Variants in TMEM132C observed in about 807,000 individuals in gnomAD.
The protein encoded by TMEM132C is protein phosphatase 1, regulatory subunit 152.
A neutral mutation model predicts 61.4 loss-of-function variants in TMEM132C; 29 were observed. The ratio of observed to expected loss-of-function variants is 0.47; its 90% CI spans 0.35 to 0.64. TMEM132C has a LOEUF of 0.64. TMEM132C is among the 30% of genes least tolerant of loss of function. The probability of loss-of-function intolerance (pLI) is 0.00; values close to 1 mark genes in which losing one functional copy is unlikely to be tolerated. For synonymous variants in TMEM132C, 656 were observed against 633.1 expected, an observed-to-expected ratio of 1.04 and a Z score of -0.54; for missense variants, 1,408 against 1,476.9, an observed-to-expected ratio of 0.95 and a Z score of 0.76.
chr12:128,592,681 C>T (rs913179718), intron 3 of TMEM132C, among the ~76,000 whole-genome samples: 2 of 152,200 alleles, frequency 1.3e-5, no homozygotes, highest in African/African-American at 2.4e-5. Context: ...AGAACAGCCA[C>T]GGAGGGGACA....
intron 1 of TMEM132C, among the ~76,000 whole-genome samples, chr12:128,281,804 G>A (rs1870906398): frequency 6.6e-6 from 1 of 152,184 alleles, no homozygotes; most frequent in Non-Finnish European, 1.5e-5. Context: ...GGTGGCCTCT[G>A]TTCAAGATTC....
chr12:128,381,689 G>C (rs538228192), intron 1 of TMEM132C, among the ~76,000 whole-genome samples: 22 of 152,298 alleles, frequency 1.4e-4, no homozygotes, highest in Admixed American at 3.9e-4. Flanking sequence ...AGAGGGAGCT[G>C]TCCCAGCTGG....
At chr12:128,682,217 G>A (rs1954641206) in intron 5 of TMEM132C, among the ~76,000 whole-genome samples, 1 of 152,214 alleles carries the variant, frequency 6.6e-6, no homozygotes, top group South Asian at 2.1e-4. Context: ...TGGGGCAAGG[G>A]AAGACCCCCA....
chr12:128,625,011 C>T (rs956608411), intron 4 of TMEM132C, among the ~76,000 whole-genome samples: 3 of 152,094 alleles, frequency 2.0e-5, no homozygotes, highest in Admixed American at 2.0e-4. Flanking sequence ...GGGGGGTGAC[C>T]CTATGCTTGT....
At chr12:128,441,052 AC>A (rs1869766390) in intron 2 of TMEM132C, among the ~76,000 whole-genome samples, 1 of 152,348 alleles carries the variant, frequency 6.6e-6, no homozygotes, top group East Asian at 1.9e-4. Flanking sequence ...AAAACAAAAA[AC>A]AAACAAGCAA....
At chr12:128,565,506 T>C (rs950616098) in intron 3 of TMEM132C, among the ~76,000 whole-genome samples, 3 of 152,216 alleles carry the variant, frequency 2.0e-5, no homozygotes, top group Non-Finnish European at 2.9e-5. Context: ...TATTAAAAAA[T>C]AGTCAATAGG....
In TMEM132C at chr12:128,706,163, C is replaced by T. The variant is rs376260103; in HGVS notation, c.3195C>T (p.Asp1065=). 1.7e-5 allele frequency: 27 copies of T among 1,551,512 alleles called. No homozygotes were observed. Among genetic ancestry groups the T allele is most frequent in the Middle Eastern group, 3.3e-4 (2 of 6,014 alleles). ...CCACCTTTACCACCATCCCCCCGGA[C>T]GACAGCTGCCCCACGGTGAACTCCA... ...KFTTFTTIPP[D]DSCPTVNSIV... Residue 1065 remains aspartate (D), a synonymous_variant, in exon 9 of 9, where the codon GAC becomes GAT. Coordinates refer to ENST00000435159, the MANE Select transcript of TMEM132C (RefSeq NM_001136103.3).
intron 1 of TMEM132C, among the ~76,000 whole-genome samples, chr12:128,304,226 C>T (rs994824372): frequency 1.4e-4 from 10 of 72,314 alleles, no homozygotes; most frequent in South Asian, 5.0e-4. Flanking sequence ...TTTTCTTTAC[C>T]TGAGAATCGA....
chr12:128,625,472 T>A (rs114107824), intron 4 of TMEM132C, among the ~76,000 whole-genome samples: 121 of 151,878 alleles, frequency 8.0e-4, no homozygotes, highest in African/African-American at 2.8e-3. Flanking sequence ...GAAAAAGAGG[T>A]TTAATGGACT....
At chr12:128,634,678 G>T (rs553053792) in intron 4 of TMEM132C, among the ~76,000 whole-genome samples, 2 of 152,214 alleles carry the variant, frequency 1.3e-5, no homozygotes. Flanking sequence ...AGCCTTGTGC[G>T]ATCTCATCTA....
intron 4 of TMEM132C, among the ~76,000 whole-genome samples, chr12:128,623,378 G>A (rs375236518): frequency 6.6e-6 from 1 of 151,008 alleles, no homozygotes; most frequent in African/African-American, 2.4e-5. Context: ...AAACCTGCAC[G>A]TTGTGCACAT....
At chr12:128,606,971 G>A (rs987943395) in intron 3 of TMEM132C, among the ~76,000 whole-genome samples, 1 of 152,158 alleles carries the variant, frequency 6.6e-6, no homozygotes, top group African/African-American at 2.4e-5. Flanking sequence ...TTAGATAAGA[G>A]GAGGTGGAAG....
chr12:128,682,352 T>C (rs1954642474), intron 5 of TMEM132C, among the ~76,000 whole-genome samples: 1 of 152,218 alleles, frequency 6.6e-6, no homozygotes, highest in South Asian at 2.1e-4. Context: ...ATTTCTAATG[T>C]GGCCTGGGTT....
At chr12:128,666,855 G>A (rs1593141481) in intron 4 of TMEM132C, among the ~76,000 whole-genome samples, 1 of 152,240 alleles carries the variant, frequency 6.6e-6, no homozygotes. Flanking sequence ...TGGATCACGA[G>A]GTCAGGAGAT....
At chr12:128,658,345 A>G (rs980734754) in intron 4 of TMEM132C, among the ~76,000 whole-genome samples, 3 of 152,192 alleles carry the variant, frequency 2.0e-5, no homozygotes, top group East Asian at 1.9e-4. Context: ...CTGGGTTCCA[A>G]TTTCAAAACT....
chr12:128,473,304 CTTCA>C, intron 2 of TMEM132C, among the ~76,000 whole-genome samples: 1 of 151,554 alleles, frequency 6.6e-6, no homozygotes, highest in African/African-American at 2.4e-5. Context: ...CCGTCTTCAT[CTTCA>C]CTCCAGCCTC....
intron 5 of TMEM132C, among the ~76,000 whole-genome samples, chr12:128,675,208 A>C (rs1954571581): frequency 6.6e-6 from 1 of 152,170 alleles, no homozygotes; most frequent in Non-Finnish European, 1.5e-5. Context: ...GAAAAAGCAG[A>C]TGAAGAAGGT....
Position 128,705,272 on chromosome 12 carries a change from G to A in TMEM132C, c.2304G>A (p.Leu768=). The A allele has an allele frequency of 1.9e-6, 3 of 1,551,622 alleles. No homozygotes were observed. Among genetic ancestry groups the A allele is most frequent in the South Asian group, 1.2e-5 (1 of 84,058 alleles). ...VVAEGEGQGP[L]IRVDMTIAEA... is the part of the protein sequence containing the mutation. Reference sequence around the variant, plus strand: ...CCGAAGGGGAAGGCCAGGGCCCACTGATCCGAGTGGACATGACGATCGCCG... The same window carrying A: ...CCGAAGGGGAAGGCCAGGGCCCACTAATCCGAGTGGACATGACGATCGCCG... The change falls in exon 9 of 9, where the codon CTG becomes CTA. Residue 768 remains leucine, a synonymous_variant. Coordinates refer to ENST00000435159, the MANE Select transcript of TMEM132C (RefSeq NM_001136103.3).
intron 2 of TMEM132C, among the ~76,000 whole-genome samples, chr12:128,419,431 C>A (rs1458731560): frequency 6.6e-6 from 1 of 152,126 alleles, no homozygotes; most frequent in Non-Finnish European, 1.5e-5. Context: ...AAGAGATGTA[C>A]AATGCTAGAC....
Sources: allele counts gnomAD v4.1 joint callset (sites outside exome capture counted in the v4.1 genomes callset), GRCh38; gene constraint gnomAD v4.1.1; transcripts MANE v1.5; gene names NCBI Gene and HGNC (gene_info 2026-07-23, HGNC 2026-07-21).